TENM3: variants seen among roughly 807,000 people sequenced by gnomAD.
TENM3 encodes the protein teneurin-3.
TENM3 carries 63 observed loss-of-function variants against 255.1 expected under a neutral mutation model. The ratio of observed to expected loss-of-function variants is 0.25; its 90% confidence interval spans 0.20 to 0.30. The LOEUF (loss-of-function observed/expected upper bound fraction) is 0.30. TENM3 is among the 10% of genes least tolerant of loss of function. TENM3 has a pLI of 1.00. For synonymous variants in TENM3, 1,306 were observed against 1,322.3 expected, an observed-to-expected ratio of 0.99 and a Z score of 0.27; for missense variants, 2,929 against 3,461.1, an observed-to-expected ratio of 0.85 and a Z score of 3.86.
chr4:181,627,456 G>A, the TENM3 span, among the ~76,000 whole-genome samples: 951 of 152,194 alleles, frequency 6.2e-3, 11 homozygotes, highest in African/African-American at 0.021. Context: ...ATTTACATTA[G>A]GTATATCTCC....
chr4:182,330,809 G>A (rs1399525948), intron 2 of TENM3, among the ~76,000 whole-genome samples: 3 of 152,204 alleles, frequency 2.0e-5, no homozygotes, highest in Non-Finnish European at 2.9e-5. Context: ...AACTGGAAAT[G>A]TGTCAGAAGC....
the TENM3 span, among the ~76,000 whole-genome samples, chr4:181,742,127 C>A: frequency 4.6e-5 from 7 of 151,994 alleles, no homozygotes; most frequent in Middle Eastern, 3.4e-3. Flanking sequence ...ACTTTAACAG[C>A]AATTTTTAAA....
At chr4:181,885,610 C>G in the TENM3 span, among the ~76,000 whole-genome samples, 1 of 152,108 alleles carries the variant, frequency 6.6e-6, no homozygotes. Flanking sequence ...AACACAACCT[C>G]TACTTGAGCA....
At chr4:181,739,747 G>C in the TENM3 span, among the ~76,000 whole-genome samples, 1 of 152,158 alleles carries the variant, frequency 6.6e-6, no homozygotes, top group Non-Finnish European at 1.5e-5. Flanking sequence ...TATCACAGAA[G>C]ACAGTTCTTT....
chr4:181,528,884 C>T, the TENM3 span, among the ~76,000 whole-genome samples: 1 of 114,326 alleles, frequency 8.7e-6, no homozygotes, highest in Non-Finnish European at 2.1e-5. Context: ...CACACACACA[C>T]ATACACACAC....
At chr4:181,846,038 A>G in the TENM3 span, among the ~76,000 whole-genome samples, 9 of 152,150 alleles carry the variant, frequency 5.9e-5, no homozygotes, top group Non-Finnish European at 1.3e-4. Context: ...TCTCATGTGC[A>G]TGCTCTTTCT....
the TENM3 span, among the ~76,000 whole-genome samples, chr4:181,625,771 G>A: frequency 6.6e-6 from 1 of 151,776 alleles, no homozygotes; most frequent in Non-Finnish European, 1.5e-5. Flanking sequence ...CCGAGATGGT[G>A]CCACTGCACT....
chr4:182,755,114 C>G lies in TENM3; in HGVS notation c.4747C>G (p.Gln1583Glu). ...MPVRVVSPDNQVIWLTIGTNG... is the reference protein window; with the variant it reads ...MPVRVVSPDNEVIWLTIGTNG... ...AGTTCGAGTGGTGTCTCCTGATAAC[C>G]AAGTGATATGGTTGACAATAGGAAC... is the stretch of plus-strand genomic sequence containing the variant. The change falls in exon 22 of 28, where the codon CAA (glutamine) becomes GAA (glutamate). Residue 1583 changes from glutamine to glutamate, a missense_variant. Physicochemically the swap from Gln to Glu is conservative, Grantham distance 29. Transcript: ENST00000511685. The G allele has an allele frequency of 6.2e-7, 1 of 1,613,956 alleles. No individual in the cohort carries two copies. The highest frequency in any genetic ancestry group is 1.3e-5 in the African/African-American group (1 of 75,040).
chr4:181,507,859 T>G, the TENM3 span, among the ~76,000 whole-genome samples: 15 of 152,226 alleles, frequency 9.9e-5, no homozygotes, highest in Admixed American at 8.5e-4. Flanking sequence ...CTCTCTTTTT[T>G]TCTGCACACA....
the TENM3 span, among the ~76,000 whole-genome samples, chr4:181,906,846 G>A: frequency 3.3e-5 from 5 of 152,156 alleles, no homozygotes; most frequent in East Asian, 9.7e-4. Flanking sequence ...CACTGTACTA[G>A]GCTTCTTCTT....
At chr4:182,090,050 A>G in the TENM3 span, among the ~76,000 whole-genome samples, 2 of 152,242 alleles carry the variant, frequency 1.3e-5, no homozygotes, top group Admixed American at 6.5e-5. Context: ...TGAAATCTCT[A>G]TGGACTTTAA....
the TENM3 span, among the ~76,000 whole-genome samples, chr4:181,892,758 C>T: frequency 3.9e-5 from 6 of 152,090 alleles, no homozygotes; most frequent in African/African-American, 9.7e-5. Context: ...AACATGAGCC[C>T]GCGGTGGTTT....
At chr4:182,303,158 C>A (rs186499643) in intron 1 of TENM3, among the ~76,000 whole-genome samples, 3 of 152,088 alleles carry the variant, frequency 2.0e-5, no homozygotes, top group Admixed American at 6.5e-5. Context: ...ATGTCATAAA[C>A]CCCAGGGAGA....
chr4:181,862,507 G>A, the TENM3 span, among the ~76,000 whole-genome samples: 1 of 151,600 alleles, frequency 6.6e-6, no homozygotes, highest in Non-Finnish European at 1.5e-5. Context: ...ATTAACAAAA[G>A]TGCCTCCCTG....
chr4:182,198,758 C>T (rs545314638), intron 1 of TENM3, among the ~76,000 whole-genome samples: 77 of 151,924 alleles, frequency 5.1e-4, no homozygotes, highest in African/African-American at 1.7e-3. Flanking sequence ...ACTGAAGACC[C>T]GATGATGAAG....
the TENM3 span, among the ~76,000 whole-genome samples, chr4:181,473,977 G>A: frequency 1.3e-5 from 2 of 150,948 alleles, no homozygotes; most frequent in African/African-American, 4.9e-5. Context: ...TATTGTGATG[G>A]GCTCAATTTT....
intron 1 of TENM3, among the ~76,000 whole-genome samples, chr4:182,215,371 A>T (rs1403160453): frequency 6.6e-6 from 1 of 152,104 alleles, no homozygotes; most frequent in East Asian, 1.9e-4. Context: ...CTAAATTACC[A>T]CTTCACTCGA....
intron 3 of TENM3, among the ~76,000 whole-genome samples, chr4:182,405,485 C>T (rs1769505217): frequency 2.6e-5 from 4 of 152,176 alleles, no homozygotes; most frequent in Admixed American, 2.6e-4. Context: ...ATGGATAGTA[C>T]CCATCATCTG....
At chr4:182,449,067 G>GC in intron 3 of TENM3, 1 of 342,564 alleles carries the variant, frequency 2.9e-6, no homozygotes, top group South Asian at 2.0e-5. Context: ...GCCACAGCGA[G>GC]GGCGCGCCGC....
Sources: gnomAD v4.1 joint callset for allele counts (sites outside exome capture counted in the v4.1 genomes callset) on GRCh38, gnomAD v4.1.1 for gene constraint, MANE v1.5 for transcripts, NCBI Gene and HGNC (gene_info 2026-07-23, HGNC 2026-07-21) for gene names.